Variants in LRRTM3 observed in about 807,000 individuals in gnomAD.
LRRTM3 encodes the protein leucine rich repeat transmembrane neuronal 3.
Under a neutral mutation model 44.7 loss-of-function variants are expected in LRRTM3, and 24 were observed. That is an observed-to-expected ratio of 0.54 (90% CI 0.39 to 0.76). LRRTM3 has a LOEUF of 0.76. LRRTM3 is among the 30% of genes least tolerant of loss of function. The pLI is 0.00. For synonymous variants in LRRTM3, 277 were observed against 278.7 expected (o/e 0.99, Z 0.06); for missense variants, 587 against 702.2 (o/e 0.84, Z 1.85).
At position 67,067,888 on chromosome 10, in the gene LRRTM3, G is replaced by C. The variant is rs143434609; in HGVS notation, c.1537-29699G>C. Among the ~76,000 whole-genome samples the C allele has an allele frequency of 6.2e-4, 94 of 152,276 alleles. 2 individuals are homozygous for C. In the East Asian group the frequency reaches 0.013, roughly 21 times the overall value. On this transcript the variant is annotated intron_variant, in intron 2 of 2. Transcript: ENST00000361320. ...AACGCTTGGCTGAAAGTATGTACAGGGTCCATTGGCAACACAAAGGAAGGA... is the reference window on the plus strand; with the variant it reads ...AACGCTTGGCTGAAAGTATGTACAGCGTCCATTGGCAACACAAAGGAAGGA...
chr10:67,006,280 A>C (rs528178285), intron 2 of LRRTM3, among the ~76,000 whole-genome samples: 2 of 152,180 alleles, frequency 1.3e-5, no homozygotes, highest in African/African-American at 4.8e-5. Context: ...ACACCACTTA[A>C]CTATTAAGTG....
At chr10:66,941,735 G>T (rs941010790) in intron 2 of LRRTM3, among the ~76,000 whole-genome samples, 3 of 152,170 alleles carry the variant, frequency 2.0e-5, no homozygotes, top group African/African-American at 7.2e-5. Flanking sequence ...AATTCAAGCC[G>T]CGTGAGCTGA....
At chr10:66,951,071 T>C (rs566381640) in intron 2 of LRRTM3, among the ~76,000 whole-genome samples, 1 of 149,460 alleles carries the variant, frequency 6.7e-6, no homozygotes, top group Admixed American at 6.7e-5. Context: ...ATTGCCAGCT[T>C]TTTCTTTAAC....
chr10:66,979,746 C>G (rs1850300602), intron 2 of LRRTM3, among the ~76,000 whole-genome samples: 1 of 152,154 alleles, frequency 6.6e-6, no homozygotes, highest in Non-Finnish European at 1.5e-5. Flanking sequence ...CTATAATCTA[C>G]TTTATCACTA....
At chr10:66,929,125 A>G (rs933223050) in intron 2 of LRRTM3, among the ~76,000 whole-genome samples, 3 of 152,222 alleles carry the variant, frequency 2.0e-5, no homozygotes, top group Non-Finnish European at 4.4e-5. Context: ...AAATGTGAGG[A>G]GATGACAAAA....
chr10:66,982,124 C>T (rs984248886), intron 2 of LRRTM3, among the ~76,000 whole-genome samples: 1 of 152,130 alleles, frequency 6.6e-6, no homozygotes, highest in African/African-American at 2.4e-5. Flanking sequence ...CTAGCATAGA[C>T]CAAGATCTTA....
chr10:67,002,625 C>T (rs1194757769), intron 2 of LRRTM3, among the ~76,000 whole-genome samples: 4 of 152,112 alleles, frequency 2.6e-5, no homozygotes, highest in Admixed American at 2.0e-4. Context: ...TGTTTAATGG[C>T]TCTAATGGCT....
At chr10:67,014,009 T>A (rs1309092065) in intron 2 of LRRTM3, among the ~76,000 whole-genome samples, 6 of 152,092 alleles carry the variant, frequency 3.9e-5, no homozygotes, top group Non-Finnish European at 7.4e-5. Flanking sequence ...AATTTGTCTC[T>A]AAAAACAAGT....
intron 2 of LRRTM3, among the ~76,000 whole-genome samples, chr10:67,084,594 A>G (rs1857207655): frequency 6.6e-6 from 1 of 151,892 alleles, no homozygotes. Flanking sequence ...TTAACCATAT[A>G]TTTTTACAAG....
intron 2 of LRRTM3, among the ~76,000 whole-genome samples, chr10:67,011,846 T>C (rs527828624): frequency 5.3e-4 from 81 of 152,128 alleles, no homozygotes; most frequent in African/African-American, 1.9e-3. Flanking sequence ...GACCTACAGG[T>C]TGCATGTGGC....
rs148972058 is a variant in LRRTM3 at position 67,024,458 on chromosome 10, T to C, written c.1537-73129T>C. Among the ~76,000 whole-genome samples, 882 of 152,320 alleles carry C rather than the reference T, an allele frequency of 5.8e-3. 9 individuals are homozygous for C. The highest frequency in any genetic ancestry group is 0.02 in the African/African-American group (838 of 41,574). On this transcript the variant is annotated intron_variant, in intron 2 of 2. Coordinates refer to ENST00000361320, the MANE Select transcript of LRRTM3 (RefSeq NM_178011.5). ...GCAAAATCTCTTTTGCTGTGAAAGG[T>C]AACATAGTTGCAGGTTCTGGTGATT...
At chr10:67,089,528 T>TA (rs1168320750) in intron 2 of LRRTM3, among the ~76,000 whole-genome samples, 1 of 152,052 alleles carries the variant, frequency 6.6e-6, no homozygotes, top group Non-Finnish European at 1.5e-5. Context: ...TAAAGTATAT[T>TA]ATCTCTGTGG....
chr10:67,069,610 T>C (rs1856322489), intron 2 of LRRTM3, among the ~76,000 whole-genome samples: 1 of 113,576 alleles, frequency 8.8e-6, no homozygotes, highest in African/African-American at 3.4e-5. Context: ...GTAAACACTA[T>C]CCTGACCTAA....
At chr10:67,078,863 T>G (rs1380464955) in intron 2 of LRRTM3, among the ~76,000 whole-genome samples, 1 of 152,178 alleles carries the variant, frequency 6.6e-6, no homozygotes, top group Non-Finnish European at 1.5e-5. Flanking sequence ...AGAGCAAGGT[T>G]AGCAGGACAC....
chr10:67,038,018 C>T (rs572260756), intron 2 of LRRTM3, among the ~76,000 whole-genome samples: 44 of 152,048 alleles, frequency 2.9e-4, no homozygotes, highest in African/African-American at 8.9e-4. Context: ...CCATAGGAGA[C>T]GAGAGATTTT....
At chr10:66,960,423 A>G (rs986111628) in intron 2 of LRRTM3, among the ~76,000 whole-genome samples, 7 of 152,124 alleles carry the variant, frequency 4.6e-5, no homozygotes, top group African/African-American at 7.2e-5. Context: ...GAATTTTTCA[A>G]TTTGCCTCAT....
At chr10:66,932,065 T>C (rs1457084157) in intron 2 of LRRTM3, among the ~76,000 whole-genome samples, 1 of 152,198 alleles carries the variant, frequency 6.6e-6, no homozygotes, top group Non-Finnish European at 1.5e-5. Flanking sequence ...TCCAGTTTGC[T>C]GATTGTGCCA....
intron 2 of LRRTM3, among the ~76,000 whole-genome samples, chr10:67,060,172 G>T (rs1855680545): frequency 2.6e-5 from 4 of 152,076 alleles, no homozygotes; most frequent in Non-Finnish European, 4.4e-5. Context: ...CATAAAATTA[G>T]CTGGGTGTGA....
At chr10:66,950,361 A>AT (rs201554861) in intron 2 of LRRTM3, among the ~76,000 whole-genome samples, 4,760 of 151,632 alleles carry the variant, frequency 0.031, 244 homozygotes, top group African/African-American at 0.11. Flanking sequence ...AAAATCTTAC[A>AT]TTTTTTTTGT....
Sources: gnomAD v4.1 joint callset for allele counts (sites outside exome capture counted in the v4.1 genomes callset) on GRCh38, gnomAD v4.1.1 for gene constraint, MANE v1.5 for transcripts, NCBI Gene and HGNC (gene_info 2026-07-23, HGNC 2026-07-21) for gene names.